FAAH2: variants seen among roughly 807,000 people sequenced by gnomAD.
The protein encoded by FAAH2 is fatty acid amide hydrolase 2, also known as fatty-acid amide hydrolase 2.
FAAH2 carries 60 observed loss-of-function variants against 36.9 expected under a neutral mutation model. The observed-to-expected ratio is 1.63, with a 90% CI of 1.32 to 2.02. The LOEUF is 2.02. Ranked by LOEUF, FAAH2 falls within the 30% of genes most tolerant of loss-of-function variation. The pLI is 0.00. For synonymous variants in FAAH2, 214 were observed against 143.8 expected (o/e 1.49, Z -3.49); for missense variants, 689 against 397.5 (o/e 1.73, Z -6.23).
At chrX:57,464,803 C>T (rs892560193) in intron 10 of FAAH2, among the ~76,000 whole-genome samples, 2 of 111,135 alleles carry the variant, frequency 1.8e-5, no homozygotes, top group African/African-American at 6.5e-5. Context: ...ACAATTTACT[C>T]AAGTAACAAA....
chrX:57,470,230 G>T (rs1486450171), intron 10 of FAAH2, among the ~76,000 whole-genome samples: 1 of 110,292 alleles, frequency 9.1e-6, no homozygotes, highest in East Asian at 2.9e-4. Context: ...GCTAGCAGAA[G>T]GAGAGAAATA....
intron 5 of FAAH2, among the ~76,000 whole-genome samples, chrX:57,354,056 A>G (rs748219681): frequency 9.0e-6 from 1 of 110,925 alleles, no homozygotes; most frequent in Admixed American, 9.6e-5. Flanking sequence ...GGGTAATAAT[A>G]GAACTACTAT....
intron 7 of FAAH2, chrX:57,392,944 C>T: frequency 3.3e-6 from 3 of 912,814 alleles, no homozygotes; most frequent in Non-Finnish European, 4.8e-6. Flanking sequence ...TTGTCTGCTC[C>T]ATAGATCTTC....
chrX:57,193,587 C>A, the FAAH2 span, among the ~76,000 whole-genome samples: 1 of 111,280 alleles, frequency 9.0e-6, no homozygotes, highest in African/African-American at 3.3e-5. Flanking sequence ...CGGAACCTAC[C>A]GACATATTAT....
chrX:57,222,467 C>A, the FAAH2 span, among the ~76,000 whole-genome samples: 1 of 111,981 alleles, frequency 8.9e-6, no homozygotes, highest in Admixed American at 9.4e-5. Flanking sequence ...CCTCTCTAAA[C>A]AGCTTAAAGC....
In FAAH2 at chrX:57,301,120, C is replaced by A. The variant is rs957421509; in HGVS notation, c.275+8540C>A. On this transcript the variant is annotated intron_variant, in intron 2 of 10. Coordinates refer to ENST00000374900, the MANE Select transcript of FAAH2 (RefSeq NM_174912.4). ...AGCCATCCCATTACTGGGTATATAC[C>A]CAAAGGATTATAAATCATGCTGCTA... is the stretch of plus-strand genomic sequence containing the variant. 2.0e-3 allele frequency among the ~76,000 whole-genome samples: 212 copies of A among 108,189 alleles called. 1 individual carries two copies. The highest frequency in any genetic ancestry group is 4.7e-3 in the Middle Eastern group (1 of 215). 93.9% of individuals were successfully genotyped at this position (108,189 alleles called of 115,157 possible). A position where few individuals can be genotyped will look rare whatever the true frequency, so the allele number is the denominator to read the frequency against.
At chrX:57,155,240 C>G in the FAAH2 span, among the ~76,000 whole-genome samples, 1 of 111,192 alleles carries the variant, frequency 9.0e-6, no homozygotes, top group Non-Finnish European at 1.9e-5. Flanking sequence ...AGAGAATATG[C>G]CCTTTGTCTT....
chrX:57,294,656 C>A (rs1386393304), intron 2 of FAAH2, among the ~76,000 whole-genome samples: 1 of 112,171 alleles, frequency 8.9e-6, no homozygotes, highest in Non-Finnish European at 1.9e-5. Flanking sequence ...TGCTCTCTAT[C>A]ATCTGCATAA....
At chrX:57,255,868 G>A in the FAAH2 span, among the ~76,000 whole-genome samples, 10 of 111,763 alleles carry the variant, frequency 8.9e-5, no homozygotes, top group Non-Finnish European at 1.9e-4. Context: ...ACTGGCACAA[G>A]AAAAGGATGC....
At chrX:57,168,151 C>T in the FAAH2 span, among the ~76,000 whole-genome samples, 62 of 111,037 alleles carry the variant, frequency 5.6e-4, no homozygotes, top group Non-Finnish European at 1.0e-3. Context: ...TATTTACTTG[C>T]TTTTTTTAAT....
chrX:57,276,170 G>A, the FAAH2 span, among the ~76,000 whole-genome samples: 1 of 111,857 alleles, frequency 8.9e-6, no homozygotes, highest in South Asian at 3.7e-4. Flanking sequence ...CACATAATTG[G>A]AAGTAAAGCA....
chrX:57,250,392 A>T, the FAAH2 span, among the ~76,000 whole-genome samples: 8 of 111,797 alleles, frequency 7.2e-5, no homozygotes, highest in South Asian at 3.7e-4. Context: ...GTGAAACATT[A>T]TGGCATTCAA....
intron 10 of FAAH2, among the ~76,000 whole-genome samples, chrX:57,451,662 C>G (rs2056785706): frequency 9.0e-6 from 1 of 111,516 alleles, no homozygotes; most frequent in Non-Finnish European, 1.9e-5. Context: ...CACAGGAACA[C>G]TGTGGACAGA....
chrX:57,311,846 C>T (rs2052703664), intron 3 of FAAH2, among the ~76,000 whole-genome samples: 1 of 112,026 alleles, frequency 8.9e-6, no homozygotes, highest in East Asian at 2.8e-4. Context: ...AGAACTGAGT[C>T]CCAGCTAAGA....
At chrX:57,444,150 C>T (rs1157756794) in intron 8 of FAAH2, among the ~76,000 whole-genome samples, 1 of 112,322 alleles carries the variant, frequency 8.9e-6, no homozygotes, top group Non-Finnish European at 1.9e-5. Flanking sequence ...TCAGACAGGA[C>T]GTTTAATTCT....
intron 1 of FAAH2, among the ~76,000 whole-genome samples, chrX:57,287,345 TTCTC>T (rs1281747509): frequency 3.6e-5 from 4 of 110,941 alleles, no homozygotes; most frequent in African/African-American, 1.3e-4. Context: ...GTCTCTCTCT[TTCTC>T]TCTCCCTCTC....
chrX:57,429,501 C>G (rs946146658), intron 7 of FAAH2, among the ~76,000 whole-genome samples: 20 of 111,768 alleles, frequency 1.8e-4, no homozygotes, highest in Non-Finnish European at 3.4e-4. Flanking sequence ...TATTACACCA[C>G]AGTAGCTATT....
chrX:57,482,804 G>A (rs977540870), intron 10 of FAAH2, among the ~76,000 whole-genome samples: 10 of 104,032 alleles, frequency 9.6e-5, no homozygotes, highest in Non-Finnish European at 1.8e-4. Flanking sequence ...TTTGGCTGCA[G>A]GTTTTTATTT....
the FAAH2 span, among the ~76,000 whole-genome samples, chrX:57,134,344 G>C: frequency 8.9e-6 from 1 of 111,823 alleles, no homozygotes; most frequent in Non-Finnish European, 1.9e-5. Context: ...TCTGTGAGCT[G>C]GGGTAGGCAA....
Sources: gnomAD v4.1 joint callset for allele counts (sites outside exome capture counted in the v4.1 genomes callset) on GRCh38, gnomAD v4.1.1 for gene constraint, MANE v1.5 for transcripts, NCBI Gene and HGNC (gene_info 2026-07-23, HGNC 2026-07-21) for gene names.